PARP6: variants seen among roughly 807,000 people sequenced by gnomAD.
PARP6 encodes the protein poly(ADP-ribose) polymerase family member 6.
A neutral mutation model predicts 92.0 loss-of-function variants in PARP6; 27 were observed. The ratio of observed to expected loss-of-function variants is 0.29; its 90% confidence interval spans 0.22 to 0.40. The LOEUF (loss-of-function observed/expected upper bound fraction) is 0.40. PARP6 is among the 10% of genes least tolerant of loss of function. The pLI is 1.00. For missense variants in PARP6, 501 were observed against 784.5 expected (o/e 0.64, Z 4.32); for synonymous variants, 272 against 281.2 (o/e 0.97, Z 0.33).
chr15:72,246,668 A>G (rs554683639), intron 20 of PARP6, among the ~76,000 whole-genome samples: 1 of 152,258 alleles, frequency 6.6e-6, no homozygotes, highest in Non-Finnish European at 1.5e-5. Context: ...AACAATGTTT[A>G]ATTTTGTTTG....
intron 3 of PARP6, 163 bp from the exon 4 acceptor site, chr15:72,266,985 T>G (rs62022788): frequency 0.68 from 409,040 of 605,514 alleles, 142,646 homozygotes; most frequent in Non-Finnish European, 0.73. Flanking sequence ...TTTGTGAGAG[T>G]CTCAGTCTCT....
Position 72,267,595 on chromosome 15 carries a change from G to A in PARP6, c.-118C>T, listed in dbSNP as rs1298196049. 4 of 1,074,338 alleles carry A rather than the reference G, an allele frequency of 3.7e-6. No homozygotes were observed. Among genetic ancestry groups the A allele is most frequent in the Non-Finnish European group, 5.7e-6 (4 of 695,770 alleles). The allele number at this position is 1,074,338 out of a possible 1,614,324, so 66.6% of individuals were successfully genotyped here. A position where few individuals can be genotyped will look rare whatever the true frequency, so the allele number is the denominator to read the frequency against. On this transcript the variant is annotated 5_prime_UTR_variant, in exon 3 of 24. Coordinates refer to ENST00000569795, the MANE Select transcript of PARP6 (RefSeq NM_001323532.2). ...GGAGACCACAAAGGGAGACAAGGTA[G>A]GGCACGATGTCAGGGACAACTGGTG...
chr15:72,266,896 G>C (rs36110969), intron 3 of PARP6, 74 bp from the exon 4 acceptor site: 3 of 1,092,212 alleles, frequency 2.7e-6, no homozygotes, highest in East Asian at 4.8e-5. Context: ...GGATGATATG[G>C]TGAGGAACAG....
At chr15:72,266,103 G>A in intron 4 of PARP6, 112 bp from the exon 5 acceptor site, 1 of 778,706 alleles carries the variant, frequency 1.3e-6, no homozygotes, top group Non-Finnish European at 2.2e-6. Context: ...TCAGACAGCA[G>A]TATAGGGGAA....
At chr15:72,268,367 C>A (rs572108101) in intron 2 of PARP6, among the ~76,000 whole-genome samples, 1 of 152,342 alleles carries the variant, frequency 6.6e-6, no homozygotes, top group East Asian at 1.9e-4. Flanking sequence ...TTTCTGGACT[C>A]TTTATTCTTA....
chr15:72,245,733 G>A (rs1333480978), intron 20 of PARP6: 1 of 152,178 alleles, frequency 6.6e-6, no homozygotes, highest in Non-Finnish European at 1.5e-5. Context: ...AGGTGTCTAT[G>A]ATATCTTTAT....
chr15:72,260,742 T>C, intron 9 of PARP6, 54 bp from the exon 10 acceptor site: 1 of 1,333,672 alleles, frequency 7.5e-7, no homozygotes, highest in Non-Finnish European at 1.1e-6. Context: ...ATAGGATCCC[T>C]GGAGGGGACT....
intron 8 of PARP6, among the ~76,000 whole-genome samples, chr15:72,262,368 C>T (rs2086007781): frequency 6.6e-6 from 1 of 152,202 alleles, no homozygotes; most frequent in South Asian, 2.1e-4. Flanking sequence ...AATCTACTTA[C>T]ATTTCCACCC....
At chr15:72,261,944 G>A (rs1379044413) in intron 8 of PARP6, among the ~76,000 whole-genome samples, 1 of 152,134 alleles carries the variant, frequency 6.6e-6, no homozygotes, top group Non-Finnish European at 1.5e-5. Flanking sequence ...TCAGAGATGC[G>A]TTGCCTTTAG....
chr15:72,243,605 A>G (rs2083296027), intron 20 of PARP6: 2 of 152,194 alleles, frequency 1.3e-5, no homozygotes, highest in Non-Finnish European at 2.9e-5. Context: ...TATAGACTCA[A>G]CTTGGACTTT....
chr15:72,250,293 C>T (rs138349496), intron 18 of PARP6: 10 of 525,538 alleles, frequency 1.9e-5, no homozygotes, highest in African/African-American at 1.3e-4. Context: ...TATTTCCAGT[C>T]CCATCCTCTC....
At chr15:72,270,662 G>C (rs575267635) in intron 2 of PARP6, among the ~76,000 whole-genome samples, 121 of 152,154 alleles carry the variant, frequency 8.0e-4, no homozygotes, top group African/African-American at 2.8e-3. Flanking sequence ...CACATGGCTT[G>C]TTCCTTCACT....
Position 72,241,419 on chromosome 15 carries a change from TG to T in PARP6, c.*35del, listed in dbSNP as rs774805559. On this transcript the variant is annotated 3_prime_UTR_variant, in exon 24 of 24. Transcript: ENST00000569795. The surrounding 1 kb of genome is among the most constrained non-coding windows in gnomAD (Gnocchi z 4.1). ...CACTTTTATGAGGGCAGATGGATCC[TG>T]GGGTAACAGGGGTGGTACGAGGGCT... is the stretch of plus-strand genomic sequence containing the variant. The T allele has an allele frequency of 1.2e-5, 17 of 1,427,770 alleles. No individual in the cohort carries two copies. Among genetic ancestry groups the T allele is most frequent in the African/African-American group, 1.1e-4 (8 of 71,306 alleles). The allele number at this position is 1,427,770 out of a possible 1,614,324, so 88.4% of individuals were successfully genotyped here.
At chr15:72,250,983 G>A (rs747536148) in intron 17 of PARP6, 29 bp from the exon 18 acceptor site, 2 of 1,521,040 alleles carry the variant, frequency 1.3e-6, no homozygotes, top group Non-Finnish European at 1.8e-6. Flanking sequence ...GTGGAATCAG[G>A]AAAACAGAGC....
At chr15:72,261,030 T>C (rs1334197202) in intron 9 of PARP6, among the ~76,000 whole-genome samples, 2 of 152,076 alleles carry the variant, frequency 1.3e-5, no homozygotes, top group Admixed American at 1.3e-4. Context: ...AGAGAGAGAT[T>C]GTTAAACACT....
intron 2 of PARP6, among the ~76,000 whole-genome samples, chr15:72,269,740 A>C (rs940173554): frequency 1.2e-4 from 18 of 151,792 alleles, no homozygotes; most frequent in Non-Finnish European, 2.4e-4. Flanking sequence ...TCTCCACTAA[A>C]ATAAAAACAT....
In PARP6 at chr15:72,258,095, T is replaced by C. The variant is rs1398861092; in HGVS notation, c.848A>G (p.Asn283Ser). Residue 283 changes from asparagine (N) to serine (S), a missense_variant, in exon 12 of 24, where the codon AAT (asparagine) becomes AGT (serine). This residue lies in a region of PARP6 where 291 missense variants were observed against 352.0 expected (regional missense o/e 0.83). Coordinates refer to ENST00000569795, the MANE Select transcript of PARP6 (RefSeq NM_001323532.2). The stretch of plus-strand genomic sequence containing the variant: ...CTCATCACACACCACACAGTACTCA[T>C]TCAATGTTGGAATCCTCTGTTCTGC... ...KYAEQRIPTL[N>S]EYCVVCDEQH... 6 of 1,613,994 alleles carry C rather than the reference T, an allele frequency of 3.7e-6. No homozygotes were observed. Among genetic ancestry groups the C allele is most frequent in the Non-Finnish European group, 4.2e-6 (5 of 1,179,844 alleles).
Position 72,253,485 on chromosome 15 carries a change from T to C in PARP6, c.1211A>G (p.Lys404Arg). 11 of 1,613,952 alleles carry C rather than the reference T, an allele frequency of 6.8e-6. No individual in the cohort carries two copies. Among genetic ancestry groups the C allele is most frequent in the Non-Finnish European group, 8.5e-6 (10 of 1,179,806 alleles). The change falls in exon 16 of 24, where the codon AAG becomes AGG. Residue 404 changes from lysine to arginine, a missense_variant. Lys to Arg is a conservative substitution (Grantham distance 26). This residue lies in a region of PARP6 where 191 missense variants were observed against 399.1 expected (regional missense o/e 0.48). Coordinates refer to ENST00000569795, the MANE Select transcript of PARP6 (RefSeq NM_001323532.2). ...EMTQGSYLEI[K>R]KQMDKLDPLA... Reference sequence around the variant, plus strand: ...GGGATCCAACTTGTCCATCTGTTTCTTGATTTCCAAATATGAGCCCTGTAA... The same window carrying C: ...GGGATCCAACTTGTCCATCTGTTTCCTGATTTCCAAATATGAGCCCTGTAA...
chr15:72,270,340 A>G (rs2087227024), intron 2 of PARP6, among the ~76,000 whole-genome samples: 1 of 152,170 alleles, frequency 6.6e-6, no homozygotes, highest in Admixed American at 6.5e-5. Context: ...TGGTGAAGCT[A>G]TGTGACGTAC....
Sources: gnomAD v4.1 joint callset for allele counts (sites outside exome capture counted in the v4.1 genomes callset) on GRCh38, gnomAD v4.1.1 for gene constraint, gnomAD v4.1.1 regional missense constraint, Gnocchi (gnomAD v3.1) non-coding constraint, MANE v1.5 for transcripts, NCBI Gene and HGNC (gene_info 2026-07-23, HGNC 2026-07-21) for gene names.